The following TRIM44 variants were observed in gnomAD, a reference collection of about 807,000 sequenced individuals.
TRIM44 encodes the protein tripartite motif containing 44.
Under a neutral mutation model 37.4 loss-of-function variants are expected in TRIM44, and 13 were observed. That is an observed-to-expected ratio of 0.35 (90% CI 0.23 to 0.55). The LOEUF is 0.55. Ranked by LOEUF, TRIM44 falls within the 20% of genes least tolerant of loss-of-function variation. The probability of loss-of-function intolerance (pLI) is 0.89; values close to 1 mark genes in which losing one functional copy is unlikely to be tolerated. For synonymous variants in TRIM44, 175 were observed against 157.2 expected (o/e 1.11, Z -0.85); for missense variants, 426 against 437.2 (o/e 0.97, Z 0.23).
chr11:35,744,732 C>T (rs973651066), intron 4 of TRIM44, among the ~76,000 whole-genome samples: 4 of 152,150 alleles, frequency 2.6e-5, no homozygotes, highest in African/African-American at 9.7e-5. Flanking sequence ...CACACCCAAC[C>T]CTCTGACAGG....
chr11:35,792,111 A>ACACACACACACACACACACACACACACT (rs796092540), intron 4 of TRIM44, among the ~76,000 whole-genome samples: 67 of 114,332 alleles, frequency 5.9e-4, no homozygotes, highest in African/African-American at 1.7e-3. Context: ...ACACACACAC[A>ACACACACACACACACACACACACACACT]CTCTCTCTCA....
At chr11:35,766,792 A>G (rs563037242) in intron 4 of TRIM44, among the ~76,000 whole-genome samples, 32 of 152,332 alleles carry the variant, frequency 2.1e-4, no homozygotes, top group African/African-American at 7.5e-4. Context: ...CCCTGATTCA[A>G]AAAATGAGGT....
chr11:35,777,264 A>C (rs1852982723), intron 4 of TRIM44, among the ~76,000 whole-genome samples: 1 of 152,120 alleles, frequency 6.6e-6, no homozygotes, highest in African/African-American at 2.4e-5. Context: ...TTTATCAGAG[A>C]CTAGGATTGC....
intron 4 of TRIM44, among the ~76,000 whole-genome samples, chr11:35,747,522 A>G (rs936809327): frequency 6.6e-6 from 1 of 152,176 alleles, no homozygotes; most frequent in Non-Finnish European, 1.5e-5. Flanking sequence ...ATATCTTCCA[A>G]CCTCATGGCC....
At chr11:35,680,665 A>G (rs534975744) in intron 1 of TRIM44, among the ~76,000 whole-genome samples, 2 of 152,332 alleles carry the variant, frequency 1.3e-5, no homozygotes, top group Non-Finnish European at 1.5e-5. Context: ...CACAGGTGCT[A>G]GTCTTCCTCA....
intron 4 of TRIM44, among the ~76,000 whole-genome samples, chr11:35,787,166 A>T (rs1214514699): frequency 6.6e-6 from 1 of 152,198 alleles, no homozygotes. Context: ...GCTCTGCTCC[A>T]GCAAAGCGAG....
At chr11:35,758,089 G>C (rs1852671521) in intron 4 of TRIM44, among the ~76,000 whole-genome samples, 2 of 152,168 alleles carry the variant, frequency 1.3e-5, no homozygotes, top group Non-Finnish European at 2.9e-5. Context: ...GTCTAATGTT[G>C]ACAGTGGGGT....
At chr11:35,744,747 A>G (rs1852465102) in intron 4 of TRIM44, among the ~76,000 whole-genome samples, 2 of 152,066 alleles carry the variant, frequency 1.3e-5, no homozygotes, top group South Asian at 4.1e-4. Context: ...GACAGGCCCC[A>G]ATTTGTGGTG....
chr11:35,797,263 C>G (rs1161013224), intron 4 of TRIM44, among the ~76,000 whole-genome samples: 1 of 152,010 alleles, frequency 6.6e-6, no homozygotes, highest in Non-Finnish European at 1.5e-5. Context: ...TGGATTATAA[C>G]CCAAAGAATA....
intron 4 of TRIM44, among the ~76,000 whole-genome samples, chr11:35,742,798 A>ATGT (rs149187728): frequency 1.4e-5 from 2 of 139,674 alleles, no homozygotes; most frequent in African/African-American, 5.3e-5. Context: ...AATTATATTA[A>ATGT]TATATTAAAT....
At chr11:35,745,110 G>A (rs1852469544) in intron 4 of TRIM44, among the ~76,000 whole-genome samples, 1 of 152,010 alleles carries the variant, frequency 6.6e-6, no homozygotes. Context: ...TGGGTCAAAT[G>A]GTATTTCTGG....
intron 1 of TRIM44, among the ~76,000 whole-genome samples, chr11:35,666,148 A>G (rs1293222155): frequency 6.6e-6 from 1 of 152,160 alleles, no homozygotes; most frequent in African/African-American, 2.4e-5. Context: ...GTATTTATTG[A>G]AAAGCCCTTC....
rs558327603 is a variant in TRIM44, at chr11:35,725,318, C to T, written c.748-606C>T. 2.2e-3 allele frequency among the ~76,000 whole-genome samples: 336 copies of T among 151,900 alleles called. 1 individual carries two copies. Among genetic ancestry groups the T allele is most frequent in the African/African-American group, 7.8e-3 (325 of 41,418 alleles). On this transcript the variant is annotated intron_variant, in intron 2 of 4. Transcript: ENST00000299413. ...ACCAAACTATTAACAGTAATTGGGG[C>T]GGAGAGGAAGAATTTCGTTTTTTGT...
chr11:35,799,835 A>C (rs1853342124), intron 4 of TRIM44, among the ~76,000 whole-genome samples: 2 of 152,336 alleles, frequency 1.3e-5, no homozygotes, highest in South Asian at 4.1e-4. Flanking sequence ...GAGAAGGCTC[A>C]TAGGATAAAA....
At chr11:35,705,997 A>G (rs901195561) in intron 2 of TRIM44, among the ~76,000 whole-genome samples, 3 of 148,904 alleles carry the variant, frequency 2.0e-5, no homozygotes, top group Non-Finnish European at 3.0e-5. Flanking sequence ...GGGATCAACA[A>G]AATTGATAGA....
intron 2 of TRIM44, among the ~76,000 whole-genome samples, chr11:35,699,533 A>C (rs932321079): frequency 6.6e-6 from 1 of 152,046 alleles, no homozygotes; most frequent in Non-Finnish European, 1.5e-5. Context: ...TTCCCTTTGA[A>C]AACTGGCACA....
At chr11:35,788,471 G>A (rs1235393952) in intron 4 of TRIM44, among the ~76,000 whole-genome samples, 3 of 152,104 alleles carry the variant, frequency 2.0e-5, no homozygotes, top group Admixed American at 2.0e-4. Flanking sequence ...CTCTAGTATG[G>A]CGTTATATCA....
intron 2 of TRIM44, among the ~76,000 whole-genome samples, chr11:35,686,982 A>G (rs1851589291): frequency 6.6e-6 from 1 of 152,194 alleles, no homozygotes; most frequent in Non-Finnish European, 1.5e-5. Context: ...ACTTTTAATT[A>G]TTTAACAACA....
At chr11:35,751,078 A>T (rs927886355) in intron 4 of TRIM44, among the ~76,000 whole-genome samples, 5 of 152,200 alleles carry the variant, frequency 3.3e-5, no homozygotes, top group Non-Finnish European at 4.4e-5. Flanking sequence ...AAAACAAGCA[A>T]CCCAGCACAT....
Sources: gnomAD v4.1 joint callset for allele counts (sites outside exome capture counted in the v4.1 genomes callset) on GRCh38, gnomAD v4.1.1 for gene constraint, MANE v1.5 for transcripts, NCBI Gene and HGNC (gene_info 2026-07-23, HGNC 2026-07-21) for gene names.